The following PEX19 variants were observed in gnomAD, a reference collection of about 807,000 sequenced individuals.
PEX19 encodes the protein peroxisomal biogenesis factor 19.
Under a neutral mutation model 36.3 loss-of-function variants are expected in PEX19, and 29 were observed. The ratio of observed to expected loss-of-function variants is 0.80; its 90% confidence interval spans 0.60 to 1.09. The LOEUF (loss-of-function observed/expected upper bound fraction) is 1.09. Among genes scored for constraint, PEX19 ranks in the 50% least tolerant of loss-of-function variants. The probability of loss-of-function intolerance (pLI) is 0.00; values close to 1 mark genes in which losing one functional copy is unlikely to be tolerated. For missense variants in PEX19, 396 were observed against 368.1 expected (o/e 1.08, Z -0.62); for synonymous variants, 141 against 135.2 (o/e 1.04, Z -0.30).
chr1:160,279,813 C>G lies in PEX19; in HGVS notation c.804G>C (p.Leu268=). 1.2e-6 allele frequency: 2 copies of G among 1,613,482 alleles called. No homozygotes were observed. The highest frequency in any genetic ancestry group is 1.7e-6 in the Non-Finnish European group (2 of 1,179,382). The change falls in exon 7 of 8, where the codon CTG becomes CTC. Residue 268 remains leucine (L), a synonymous_variant. Transcript: ENST00000368072. Reference sequence around the variant, plus strand: ...AAGACATACTCACCATCTCTCCAGCCAGCTCTTTTGGAGGATGGCCTAAAT... The same window carrying G: ...AAGACATACTCACCATCTCTCCAGCGAGCTCTTTTGGAGGATGGCCTAAAT... ...LQDLGHPPKE[L]AGEMPPGLNF...
chr1:160,283,932 A>G (rs938576908), intron 1 of PEX19, among the ~76,000 whole-genome samples: 1 of 152,198 alleles, frequency 6.6e-6, no homozygotes, highest in African/African-American at 2.4e-5. Flanking sequence ...ATCTCCATCT[A>G]TAGTGTCTCC....
chr1:160,281,483 A>G (rs2795065), intron 5 of PEX19, among the ~76,000 whole-genome samples: 1 of 152,180 alleles, frequency 6.6e-6, no homozygotes. Context: ...ATCTCAGCTC[A>G]CTGCAACCTC....
chr1:160,279,515 C>T lies in PEX19; in HGVS notation c.*36G>A, dbSNP rs372755639. ...GGTTCTGCTGACTCCAGATGTTCCC[C>T]ATAGCTGGGACTCAGAGAGGAAAAC... On this transcript the variant is annotated 3_prime_UTR_variant, in exon 8 of 8. Transcript: ENST00000368072. 173 of 1,549,434 alleles carry T rather than the reference C, an allele frequency of 1.1e-4. No homozygotes were observed. The African/African-American group carries it at 2.2e-3, about 20-fold the overall frequency.
In PEX19 at chr1:160,280,084, C is replaced by A. The variant is rs1257427353; in HGVS notation, c.757G>T (p.Asp253Tyr). The change falls in exon 6 of 8, where the codon GAT becomes TAT. Residue 253 changes from aspartate (D) to tyrosine (Y), a missense_variant. Asp to Tyr is a radical substitution (Grantham distance 160). Coordinates refer to ENST00000368072, the MANE Select transcript of PEX19 (RefSeq NM_002857.4). ...AGAGGCCTTACCTGCTGCATAAGAT[C>A]CAGCACCATCTCAAAACGAGCCTTT... ...TQKARFEMVL[D>Y]LMQQLQDLGH... The A allele has an allele frequency of 6.2e-7, 1 of 1,613,330 alleles. No homozygotes were observed. Among genetic ancestry groups the A allele is most frequent in the Admixed American group, 1.7e-5 (1 of 60,020 alleles).
Position 160,278,048 on chromosome 1 carries a change from T to C in PEX19, c.*1503A>G. 1 of 702,184 alleles carries C rather than the reference T, an allele frequency of 1.4e-6. No homozygotes were observed. Among genetic ancestry groups the C allele is most frequent in the South Asian group, 1.5e-5 (1 of 67,588 alleles). The allele number at this position is 702,184 out of a possible 1,614,324, so 43.5% of individuals were successfully genotyped here. ...TGACATGTCAGAAGCTCAAAGCGAC[T>C]CATAATGCATGTGAATTTGCTTTGG... On this transcript the variant is annotated 3_prime_UTR_variant, in exon 8 of 8. Transcript: ENST00000368072.
In PEX19 at chr1:160,278,216, C is replaced by A. The variant is rs748536788; in HGVS notation, c.*1335G>T. The A allele has an allele frequency of 4.2e-4, 295 of 702,220 alleles. 1 individual carries two copies. Among genetic ancestry groups the A allele is most frequent in the Middle Eastern group, 7.1e-4 (3 of 4,240 alleles). The allele number at this position is 702,220 out of a possible 1,614,324, so 43.5% of individuals were successfully genotyped here. On this transcript the variant is annotated 3_prime_UTR_variant, in exon 8 of 8. Transcript: ENST00000368072. ...GCTTAAAGAAAAATAATTTAGAAAA[C>A]ATAACAATATATTACTAACATTAAT...
chr1:160,279,108 T>A lies in PEX19; in HGVS notation c.*443A>T. The A allele has an allele frequency of 2.2e-6, 1 of 453,916 alleles. No individual in the cohort carries two copies. The highest frequency in any genetic ancestry group is 4.4e-6 in the Non-Finnish European group (1 of 226,910). 28.1% of individuals were successfully genotyped at this position (453,916 alleles called of 1,614,324 possible). On this transcript the variant is annotated 3_prime_UTR_variant, in exon 8 of 8. Transcript: ENST00000368072. ...GCTGTTTCTCCCCATTCTCAAAGGCTCTGCCAGGAGAACTATAGAAATACA... is the reference window on the plus strand; with the variant it reads ...GCTGTTTCTCCCCATTCTCAAAGGCACTGCCAGGAGAACTATAGAAATACA...
In PEX19 at chr1:160,283,538, T is replaced by C. The variant is rs748218767; in HGVS notation, c.172A>G (p.Thr58Ala). 6 of 1,609,750 alleles carry C rather than the reference T, an allele frequency of 3.7e-6. No homozygotes were observed. The highest frequency in any genetic ancestry group is 1.3e-5 in the African/African-American group (1 of 74,808). ...SGPQKRSPGD[T>A]AKDALFASQE... ...GGGGGTGGAATTTATACTTTGGCAGTGTCTCCTGGCGATCTCTTCTGGGGC... is the reference window on the plus strand; with the variant it reads ...GGGGGTGGAATTTATACTTTGGCAGCGTCTCCTGGCGATCTCTTCTGGGGC... The change falls in exon 2 of 8, where the codon ACT becomes GCT. Residue 58 changes from threonine to alanine, a missense_variant. By Grantham distance (58) the Thr-to-Ala change is moderately conservative. Transcript: ENST00000368072.
At chr1:160,279,705 A>G (rs538362457) in intron 7 of PEX19, 71 bp from the exon 8 acceptor site, 4 of 1,532,676 alleles carry the variant, frequency 2.6e-6, no homozygotes, top group African/African-American at 2.7e-5. Flanking sequence ...CATCCCCAGT[A>G]GCCACAATTT....
rs1253470707 is a variant in PEX19, at chr1:160,277,713, G to A, written c.*1838C>T. 2.2e-6 allele frequency: 1 copy of A among 457,978 alleles called. No individual in the cohort carries two copies. Among genetic ancestry groups the A allele is most frequent in the Admixed American group, 2.3e-5 (1 of 42,692 alleles). The allele number at this position is 457,978 out of a possible 1,614,324, so 28.4% of individuals were successfully genotyped here. ...AAAACTGGTAGGACAGAAGGCACAA[G>A]GTTCATAGAGAAGGGCTCTTTTGTT... On this transcript the variant is annotated 3_prime_UTR_variant, in exon 8 of 8. Coordinates refer to ENST00000368072, the MANE Select transcript of PEX19 (RefSeq NM_002857.4).
At chr1:160,279,907 A>T in intron 6 of PEX19, 62 bp from the exon 7 acceptor site, 1 of 1,467,770 alleles carries the variant, frequency 6.8e-7, no homozygotes, top group Non-Finnish European at 9.6e-7. Flanking sequence ...CAGAGGATCC[A>T]GAAGAGGAAT....
At chr1:160,281,401 A>G (rs1290245348) in intron 5 of PEX19, 1 of 160,486 alleles carries the variant, frequency 6.2e-6, no homozygotes, top group Non-Finnish European at 1.4e-5. Context: ...CAGTAAGTAA[A>G]TCCTCAGTTA....
rs536973338 is a variant in PEX19 at position 160,277,287 on chromosome 1, A to G, written c.*2264T>C. ...TTTAGCATTTCAATGTTGCTGTGAT[A>G]TCCAAGTACATGATCAATGGACTTA... On this transcript the variant is annotated 3_prime_UTR_variant, in exon 8 of 8. Transcript: ENST00000368072. The G allele has an allele frequency of 2.2e-6, 1 of 455,894 alleles. No individual in the cohort carries two copies. The highest frequency in any genetic ancestry group is 4.4e-6 in the Non-Finnish European group (1 of 226,784). The allele number at this position is 455,894 out of a possible 1,614,324, so 28.2% of individuals were successfully genotyped here. A position where few individuals can be genotyped will look rare whatever the true frequency, so the allele number is the denominator to read the frequency against.
In PEX19 at chr1:160,279,535, G is replaced by A. The variant is rs369635745; in HGVS notation, c.*16C>T. 3.6e-5 allele frequency: 58 copies of A among 1,607,954 alleles called. No homozygotes were observed. In the African/African-American group the frequency reaches 6.8e-4, roughly 19 times the overall value. ...TTCCCCATAGCTGGGACTCAGAGAG[G>A]AAAACGTGTTGTGTTTCACATGATC... On this transcript the variant is annotated 3_prime_UTR_variant, in exon 8 of 8. Coordinates refer to ENST00000368072, the MANE Select transcript of PEX19 (RefSeq NM_002857.4).
chr1:160,280,513 T>C (rs1236478506), intron 5 of PEX19, among the ~76,000 whole-genome samples: 1 of 151,806 alleles, frequency 6.6e-6, no homozygotes, highest in Non-Finnish European at 1.5e-5. Context: ...GTCTCTATTG[T>C]GTTTTTTTTT....
At chr1:160,281,594 C>T (rs1487892284) in intron 5 of PEX19, among the ~76,000 whole-genome samples, 1 of 152,134 alleles carries the variant, frequency 6.6e-6, no homozygotes, top group African/African-American at 2.4e-5. Context: ...TTACTACAGA[C>T]GGGGTTTCAC....
intron 6 of PEX19, 108 bp downstream of exon 6, chr1:160,279,962 A>C: frequency 1.5e-6 from 2 of 1,362,702 alleles, no homozygotes; most frequent in Non-Finnish European, 2.1e-6. Flanking sequence ...ATCACAAGAG[A>C]GGATCCCTCC....
At position 160,279,460 on chromosome 1, in the gene PEX19, G is replaced by A. The variant is rs530671995; in HGVS notation, c.*91C>T. On this transcript the variant is annotated 3_prime_UTR_variant, in exon 8 of 8. Transcript: ENST00000368072. ...AGAGGGCAGCGGGCAGACTTCTCCC[G>A]CAGGTGACACTCCTGCCTCAGGTCC... 5.9e-5 allele frequency: 61 copies of A among 1,035,544 alleles called. No individual in the cohort carries two copies. Among genetic ancestry groups the A allele is most frequent in the East Asian group, 4.7e-4 (20 of 42,280 alleles). 64.1% of individuals were successfully genotyped at this position (1,035,544 alleles called of 1,614,324 possible).
In PEX19 at chr1:160,278,781, T is replaced by G. The variant is rs924124193; in HGVS notation, c.*770A>C. The G allele has an allele frequency of 2.2e-6, 1 of 453,580 alleles. No homozygotes were observed. The highest frequency in any genetic ancestry group is 2.0e-5 in the African/African-American group (1 of 49,834). The allele number at this position is 453,580 out of a possible 1,614,324, so 28.1% of individuals were successfully genotyped here. On this transcript the variant is annotated 3_prime_UTR_variant, in exon 8 of 8. Transcript: ENST00000368072. ...TTATCACAGCTTGAGCTCAAAAAGG[T>G]TGGGATAAACAGGTGTTTAAAAAAG...
Sources: gnomAD v4.1 joint callset for allele counts (sites outside exome capture counted in the v4.1 genomes callset) on GRCh38, gnomAD v4.1.1 for gene constraint, MANE v1.5 for transcripts, NCBI Gene and HGNC (gene_info 2026-07-23, HGNC 2026-07-21) for gene names.